Variants in AGMO observed in about 807,000 individuals in gnomAD.
The protein encoded by AGMO is glyceryl-ether monooxygenase.
Under a neutral mutation model 60.2 loss-of-function variants are expected in AGMO, and 75 were observed. The observed-to-expected ratio is 1.25, with a 90% CI of 1.03 to 1.51. The LOEUF is 1.51. Among genes scored for constraint, AGMO ranks in the 40% most tolerant of loss-of-function variants. AGMO has a pLI of 0.00. For missense variants in AGMO, 763 were observed against 525.5 expected, an observed-to-expected ratio of 1.45 and a Z score of -4.42; for synonymous variants, 261 against 177.1, an observed-to-expected ratio of 1.47 and a Z score of -3.76.
At chr7:15,331,718 GGAGTTT>G (rs1781502731) in intron 12 of AGMO, among the ~76,000 whole-genome samples, 1 of 152,146 alleles carries the variant, frequency 6.6e-6, no homozygotes, top group African/African-American at 2.4e-5. Context: ...CATGAGGTCA[GGAGTTT>G]GAGTCCAACC....
intron 12 of AGMO, among the ~76,000 whole-genome samples, chr7:15,320,136 T>C (rs906713839): frequency 6.0e-5 from 9 of 151,136 alleles, no homozygotes; most frequent in African/African-American, 2.0e-4. Context: ...GGGGAAGGGA[T>C]AGCATTGGGA....
At chr7:15,218,319 GTGTGTGTA>G (rs1157559230) in intron 12 of AGMO, among the ~76,000 whole-genome samples, 1 of 109,750 alleles carries the variant, frequency 9.1e-6, no homozygotes, top group Non-Finnish European at 1.9e-5. Context: ...ATTGACTATG[GTGTGTGTA>G]TGTGTGTGTG....
intron 12 of AGMO, among the ~76,000 whole-genome samples, chr7:15,208,890 C>T (rs1781506836): frequency 2.0e-5 from 3 of 152,114 alleles, no homozygotes; most frequent in Admixed American, 1.3e-4. Context: ...CCTTAAGTGT[C>T]CTAACAGAAC....
chr7:15,543,555 G>A (rs7802433), intron 3 of AGMO, among the ~76,000 whole-genome samples: 3,722 of 152,138 alleles, frequency 0.024, 127 homozygotes, highest in African/African-American at 0.084. Context: ...AAATTGAATT[G>A]AACTTACTAT....
At chr7:15,398,425 G>T (rs1218024658) in intron 5 of AGMO, among the ~76,000 whole-genome samples, 3 of 152,142 alleles carry the variant, frequency 2.0e-5, no homozygotes, top group Non-Finnish European at 4.4e-5. Context: ...TCCTGGTAGT[G>T]CCTATGAGTA....
intron 3 of AGMO, among the ~76,000 whole-genome samples, chr7:15,440,688 G>A (rs566258604): frequency 3.9e-5 from 6 of 152,118 alleles, no homozygotes; most frequent in Non-Finnish European, 7.3e-5. Context: ...CTTTATAGTC[G>A]TCATTCAAAG....
chr7:15,133,566 A>G, the AGMO span, among the ~76,000 whole-genome samples: 1 of 152,160 alleles, frequency 6.6e-6, no homozygotes, highest in African/African-American at 2.4e-5. Flanking sequence ...CATCAATAAA[A>G]ATAGGTAAGT....
intron 3 of AGMO, among the ~76,000 whole-genome samples, chr7:15,481,997 T>C (rs984154591): frequency 6.6e-6 from 1 of 151,868 alleles, no homozygotes; most frequent in Non-Finnish European, 1.5e-5. Context: ...ACATAACATA[T>C]CACAAATTGT....
chr7:15,176,440 T>C, the AGMO span, among the ~76,000 whole-genome samples: 1 of 151,986 alleles, frequency 6.6e-6, no homozygotes, highest in East Asian at 1.9e-4. Flanking sequence ...AAAGGATATT[T>C]TATACAATGT....
At chr7:15,297,667 A>ACC (rs918639014) in intron 12 of AGMO, among the ~76,000 whole-genome samples, 1 of 152,070 alleles carries the variant, frequency 6.6e-6, no homozygotes. Context: ...TAACTAGCAT[A>ACC]CCCCCCTTCC....
At chr7:15,500,317 G>A (rs1365778164) in intron 3 of AGMO, among the ~76,000 whole-genome samples, 1 of 151,862 alleles carries the variant, frequency 6.6e-6, no homozygotes, top group Admixed American at 6.6e-5. Flanking sequence ...GTTTAATGTT[G>A]CATTAAGTGG....
At chr7:15,317,862 C>CACACGTATATATATAT (rs1563083604) in intron 12 of AGMO, among the ~76,000 whole-genome samples, 7 of 150,156 alleles carry the variant, frequency 4.7e-5, no homozygotes, top group Admixed American at 2.0e-4. Context: ...TATACACACA[C>CACACGTATATATATAT]ACACACGTAT....
At chr7:15,198,206 A>G (rs1438747086), downstream of AGMO, among the ~76,000 whole-genome samples, 1 of 63,100 alleles carries the variant, frequency 1.6e-5, no homozygotes, top group African/African-American at 1.1e-4. Context: ...CGAGAGAGAG[A>G]GAGAGAGAGA....
intron 9 of AGMO, 68 bp from the exon 10 acceptor site, chr7:15,385,630 A>G: frequency 1.1e-6 from 1 of 885,952 alleles, no homozygotes; most frequent in East Asian, 2.5e-5. Context: ...ATTCACACTA[A>G]GAGATATTTG....
intron 3 of AGMO, among the ~76,000 whole-genome samples, chr7:15,491,308 T>C (rs566430397): frequency 6.6e-6 from 1 of 152,316 alleles, no homozygotes; most frequent in African/African-American, 2.4e-5. Context: ...CAAATTATAC[T>C]GGGTGTTGTG....
chr7:15,331,424 AG>A (rs1269004195), intron 12 of AGMO, among the ~76,000 whole-genome samples: 5 of 152,138 alleles, frequency 3.3e-5, no homozygotes, highest in African/African-American at 1.2e-4. Flanking sequence ...ATATATAATG[AG>A]ATTTAAAAAT....
At chr7:15,376,636 CTG>C (rs1562469984) in intron 10 of AGMO, among the ~76,000 whole-genome samples, 2 of 151,970 alleles carry the variant, frequency 1.3e-5, no homozygotes, top group Admixed American at 6.6e-5. Context: ...AATATTCAAA[CTG>C]TTTTTTGTGT....
At chr7:15,360,183 A>T (rs1782693876) in intron 12 of AGMO, among the ~76,000 whole-genome samples, 1 of 152,192 alleles carries the variant, frequency 6.6e-6, no homozygotes, top group Non-Finnish European at 1.5e-5. Context: ...TGCAGAAGAG[A>T]AATGAAAGCA....
At chr7:15,375,496 A>G (rs923223920) in intron 10 of AGMO, among the ~76,000 whole-genome samples, 1 of 148,676 alleles carries the variant, frequency 6.7e-6, no homozygotes, top group African/African-American at 2.5e-5. Context: ...TCCTGGGTTC[A>G]AGTGATTCTC....
Sources: gnomAD v4.1 joint callset for allele counts (sites outside exome capture counted in the v4.1 genomes callset) on GRCh38, gnomAD v4.1.1 for gene constraint, MANE v1.5 for transcripts, NCBI Gene and HGNC (gene_info 2026-07-23, HGNC 2026-07-21) for gene names.